Variants in PRKDC observed in about 807,000 individuals in gnomAD.
The protein encoded by PRKDC is protein kinase, DNA-activated, catalytic subunit.
Under a neutral mutation model 486.9 loss-of-function variants are expected in PRKDC, and 82 were observed. The observed-to-expected ratio is 0.17, with a 90% CI of 0.14 to 0.20. PRKDC has a LOEUF of 0.20. Ranked by LOEUF, PRKDC falls within the 10% of genes least tolerant of loss-of-function variation. PRKDC has a pLI of 1.00. For synonymous variants in PRKDC, 1,895 were observed against 1,837.0 expected, an observed-to-expected ratio of 1.03 and a Z score of -0.81; for missense variants, 4,504 against 5,038.2, an observed-to-expected ratio of 0.89 and a Z score of 3.21.
chr8:47,829,158 A>G (rs1190264661), intron 61 of PRKDC, among the ~76,000 whole-genome samples: 1 of 152,198 alleles, frequency 6.6e-6, no homozygotes, highest in African/African-American at 2.4e-5. Context: ...TGACAGGTCA[A>G]TTCTGTTAAT....
At position 47,904,228 on chromosome 8, in the gene PRKDC, G is replaced by A. The variant is rs2089732794; in HGVS notation, c.3042+641C>T. On this transcript the variant is annotated intron_variant, in intron 26 of 85. Transcript: ENST00000314191. Reference sequence around the variant, plus strand: ...CTTTAGTTATTGAATCTGAGTATAGGAGAAAATTGGATATACTCAGAAATT... The same window carrying A: ...CTTTAGTTATTGAATCTGAGTATAGAAGAAAATTGGATATACTCAGAAATT... 2.6e-5 allele frequency among the ~76,000 whole-genome samples: 4 copies of A among 152,104 alleles called. 1 individual carries two copies. Among genetic ancestry groups the A allele is most frequent in the Admixed American group, 2.6e-4 (4 of 15,274 alleles).
At position 47,777,577 on chromosome 8, in the gene PRKDC, A is replaced by G. The variant is rs917368793; in HGVS notation, c.12042+109T>C. On this transcript the variant is annotated intron_variant, in intron 84 of 85. Coordinates refer to ENST00000314191, the MANE Select transcript of PRKDC (RefSeq NM_006904.7). ...AGAAATGCTGTACAAAATAATGTAAATATTTTCATCAACATGACTCAATGC... is the reference window on the plus strand; with the variant it reads ...AGAAATGCTGTACAAAATAATGTAAGTATTTTCATCAACATGACTCAATGC... 2.6e-5 allele frequency: 30 copies of G among 1,163,530 alleles called. No individual in the cohort carries two copies. The East Asian group carries it at 7.2e-4, about 28-fold the overall frequency. The allele number at this position is 1,163,530 out of a possible 1,614,324, so 72.1% of individuals were successfully genotyped here. A position where few individuals can be genotyped will look rare whatever the true frequency, so the allele number is the denominator to read the frequency against.
rs2090352842 is a variant in PRKDC at position 47,936,418 on chromosome 8, C to T, written c.1213G>A (p.Asp405Asn). The change falls in exon 12 of 86, where the codon GAC (aspartate) becomes AAC (asparagine). Residue 405 changes from aspartate to asparagine, a missense_variant. Asp to Asn is a conservative substitution (Grantham distance 23, BLOSUM62 1). This residue lies in a region of PRKDC where 1,969 missense variants were observed against 2,068.9 expected (regional missense o/e 0.95). Transcript: ENST00000314191. Reference protein sequence around the residue: ...MFLTQTDTGDDRVYQMPSFLQ... With the variant: ...MFLTQTDTGDNRVYQMPSFLQ... ...AAGCTTGGCATCTGATAAACACGGT[C>T]GTCACCAGTGTCTGTCTGGGTGAGG... 3 of 1,613,852 alleles carry T rather than the reference C, an allele frequency of 1.9e-6. No individual in the cohort carries two copies. Among genetic ancestry groups the T allele is most frequent in the Non-Finnish European group, 2.5e-6 (3 of 1,179,894 alleles).
chr8:47,858,941 TCTCCAG>T lies in PRKDC; in HGVS notation c.6247_6252del (p.Leu2083_Glu2084del). 2 of 1,613,678 alleles carry T rather than the reference TCTCCAG, an allele frequency of 1.2e-6. No homozygotes were observed. Among genetic ancestry groups the T allele is most frequent in the Non-Finnish European group, 1.7e-6 (2 of 1,179,884 alleles). ...CACTCATGCCGATTGAGCTCGTCCA[TCTCCAG>T]CTCCAGCACATCATCATGCACCGTG... On this transcript the variant is annotated inframe_deletion, in exon 47 of 86. Coordinates refer to ENST00000314191, the MANE Select transcript of PRKDC (RefSeq NM_006904.7).
rs1267847657 is a variant in PRKDC, at chr8:47,857,205, A to G, written c.6560T>C (p.Val2187Ala). The change falls in exon 49 of 86, where the codon GTT becomes GCT. Residue 2187 changes from valine to alanine, a missense_variant. Around this residue, in one of 6 missense-constraint regions of PRKDC, gnomAD observed 1,592 missense variants for 1,724.6 expected, o/e 0.92. Coordinates refer to ENST00000314191, the MANE Select transcript of PRKDC (RefSeq NM_006904.7). The part of the protein sequence containing the change: ...NGGEGIHYMV[V>A]EIVATILSWT... Reference sequence around the variant, plus strand: ...TGAAAGAATAGTGGCCACTATCTCAACCACCATGTAGTGAATTCCTTCTCC... The same window carrying G: ...TGAAAGAATAGTGGCCACTATCTCAGCCACCATGTAGTGAATTCCTTCTCC... 6.2e-7 allele frequency: 1 copy of G among 1,613,902 alleles called. No homozygotes were observed. Among genetic ancestry groups the G allele is most frequent in the Admixed American group, 1.7e-5 (1 of 59,996 alleles).
At chr8:47,794,701 G>T (rs2086945441) in intron 73 of PRKDC, among the ~76,000 whole-genome samples, 200 bp from the exon 74 acceptor site, 1 of 152,216 alleles carries the variant, frequency 6.6e-6, no homozygotes, top group South Asian at 2.1e-4. Flanking sequence ...ACAGTCTTTT[G>T]TTGCAAGAAT....
chr8:47,782,348 C>T lies in PRKDC; in HGVS notation c.11396+30G>A. Reference sequence around the variant, plus strand: ...GTGGACGCCAAGCAATATGCAGCAGCCTACTGGCTGGGAGCAGCCTGGCAG... The same window carrying T: ...GTGGACGCCAAGCAATATGCAGCAGTCTACTGGCTGGGAGCAGCCTGGCAG... On this transcript the variant is annotated intron_variant, in intron 79 of 85. Transcript: ENST00000314191. This position sits in a 1 kb window ranked among gnomAD's most constrained non-coding sequence, Gnocchi z 4.9. 6.2e-7 allele frequency: 1 copy of T among 1,609,306 alleles called. No individual in the cohort carries two copies. The highest frequency in any genetic ancestry group is 1.1e-5 in the South Asian group (1 of 90,588).
chr8:47,793,165 C>T (rs1245152844), intron 74 of PRKDC, among the ~76,000 whole-genome samples: 1 of 152,220 alleles, frequency 6.6e-6, no homozygotes, highest in East Asian at 1.9e-4. Flanking sequence ...ATTATAGGCA[C>T]AGACCATCAT....
At chr8:47,881,013 C>A (rs1402897275) in intron 38 of PRKDC, among the ~76,000 whole-genome samples, 1 of 147,778 alleles carries the variant, frequency 6.8e-6, no homozygotes, top group African/African-American at 2.5e-5. Context: ...TGCCACTGTA[C>A]TTCAGCCTGG....
At chr8:47,818,578 C>CAAAAAAAAAAAAAAAAAAA (rs1174698261) in intron 67 of PRKDC, among the ~76,000 whole-genome samples, 1 of 36,118 alleles carries the variant, frequency 2.8e-5, no homozygotes. Context: ...GACTCCGTCT[C>CAAAAAAAAAAAAAAAAAAA]AAAAAAAAAA....
chr8:47,880,150 A>G (rs999982275), intron 38 of PRKDC, among the ~76,000 whole-genome samples: 2 of 152,192 alleles, frequency 1.3e-5, no homozygotes, highest in African/African-American at 2.4e-5. Flanking sequence ...CACCCAGCCT[A>G]TACCTCAGCT....
intron 84 of PRKDC, 67 bp downstream of exon 84, chr8:47,777,617 CGA>C: frequency 1.4e-6 from 2 of 1,420,750 alleles, no homozygotes; most frequent in African/African-American, 1.4e-5. Context: ...CCATCATACA[CGA>C]GAGATACCAG....
At chr8:47,839,908 T>C (rs539504948) in intron 55 of PRKDC, 108 bp downstream of exon 55, 8 of 831,550 alleles carry the variant, frequency 9.6e-6, no homozygotes, top group Admixed American at 6.6e-5. Context: ...CAGGAGGAGG[T>C]TGAGACTGCA....
intron 40 of PRKDC, among the ~76,000 whole-genome samples, chr8:47,871,447 T>C (rs539333512): frequency 1.3e-3 from 200 of 152,278 alleles, no homozygotes; most frequent in African/African-American, 4.7e-3. Flanking sequence ...ATTGAAGATG[T>C]TGAAGGAAAA....
chr8:47,853,804 C>G (rs910468957), intron 51 of PRKDC, among the ~76,000 whole-genome samples: 1 of 152,218 alleles, frequency 6.6e-6, no homozygotes, highest in Non-Finnish European at 1.5e-5. Context: ...CCAAAAAAAT[C>G]TAAATCCATC....
At chr8:47,775,541 C>T (rs1382139984) in intron 85 of PRKDC, among the ~76,000 whole-genome samples, 3 of 150,268 alleles carry the variant, frequency 2.0e-5, no homozygotes, top group Admixed American at 2.0e-4. Flanking sequence ...CCAGCCCTGA[C>T]CATTTTTAAT....
At chr8:47,851,059 C>G (rs751156315) in intron 52 of PRKDC, among the ~76,000 whole-genome samples, 1 of 152,212 alleles carries the variant, frequency 6.6e-6, no homozygotes, top group Admixed American at 6.5e-5. Flanking sequence ...ATCTGCCTGC[C>G]TTGGCCTCCC....
intron 39 of PRKDC, among the ~76,000 whole-genome samples, chr8:47,878,357 G>A (rs1375323721): frequency 3.3e-5 from 5 of 151,990 alleles, no homozygotes; most frequent in African/African-American, 4.8e-5. Flanking sequence ...TGCCCTCCTC[G>A]GCCACCCAAA....
In PRKDC at chr8:47,852,662, A is replaced by C; in HGVS notation, c.7005+11T>G. Reference sequence around the variant, plus strand: ...AAGAGGTATTTATTGAAAATTGTGTAGCACACTCACGTTTTTTCTCTCCAT... The same window carrying C: ...AAGAGGTATTTATTGAAAATTGTGTCGCACACTCACGTTTTTTCTCTCCAT... On this transcript the variant is annotated intron_variant, in intron 52 of 85. Transcript: ENST00000314191. 4.0e-6 allele frequency: 6 copies of C among 1,506,378 alleles called. No homozygotes were observed. Among genetic ancestry groups the C allele is most frequent in the Non-Finnish European group, 5.4e-6 (6 of 1,106,766 alleles). The allele number at this position is 1,506,378 out of a possible 1,614,324, so 93.3% of individuals were successfully genotyped here. A position where few individuals can be genotyped will look rare whatever the true frequency, so the allele number is the denominator to read the frequency against.
Sources: allele counts gnomAD v4.1 joint callset (sites outside exome capture counted in the v4.1 genomes callset), GRCh38; gene constraint gnomAD v4.1.1; regional missense constraint gnomAD v4.1.1; non-coding constraint Gnocchi (gnomAD v3.1); transcripts MANE v1.5; gene names NCBI Gene and HGNC (gene_info 2026-07-23, HGNC 2026-07-21).